NEGR1: variants seen among roughly 807,000 people sequenced by gnomAD.
NEGR1 encodes neuronal growth regulator 1.
A neutral mutation model predicts 40.9 loss-of-function variants in NEGR1; 10 were observed. The ratio of observed to expected loss-of-function variants is 0.24; its 90% CI spans 0.15 to 0.42. The LOEUF (loss-of-function observed/expected upper bound fraction) is 0.42, where lower values mean the gene tolerates loss of function less well. Ranked by LOEUF, NEGR1 falls within the 10% of genes least tolerant of loss-of-function variation. The probability of loss-of-function intolerance (pLI) is 1.00; values close to 1 mark genes in which losing one functional copy is unlikely to be tolerated. For synonymous variants in NEGR1, 185 were observed against 166.8 expected, an observed-to-expected ratio of 1.11 and a Z score of -0.84; for missense variants, 352 against 438.9, an observed-to-expected ratio of 0.80 and a Z score of 1.77.
intron 4 of NEGR1, among the ~76,000 whole-genome samples, chr1:71,695,162 C>A (rs1211906076): frequency 6.6e-6 from 1 of 151,732 alleles, no homozygotes; most frequent in East Asian, 1.9e-4. Context: ...GAAACTTTTT[C>A]AGACATACTC....
chr1:72,011,255 C>G (rs1198488896), intron 1 of NEGR1, among the ~76,000 whole-genome samples: 1 of 151,954 alleles, frequency 6.6e-6, no homozygotes, highest in East Asian at 1.9e-4. Context: ...CTCAGCATGT[C>G]TAAGAAGTTC....
At chr1:72,168,037 A>C (rs969141056) in intron 1 of NEGR1, among the ~76,000 whole-genome samples, 1 of 147,958 alleles carries the variant, frequency 6.8e-6, no homozygotes. Context: ...CAAGCATCTC[A>C]CTCTGTCACC....
chr1:72,115,413 A>G (rs182210299), intron 1 of NEGR1, among the ~76,000 whole-genome samples: 2 of 151,772 alleles, frequency 1.3e-5, no homozygotes, highest in East Asian at 1.9e-4. Context: ...TTTAATCCCT[A>G]CAATTGTGTA....
At chr1:72,161,320 C>T (rs1651550335) in intron 1 of NEGR1, among the ~76,000 whole-genome samples, 2 of 151,964 alleles carry the variant, frequency 1.3e-5, no homozygotes, top group South Asian at 4.1e-4. Context: ...TTTGTGGTGG[C>T]TTGGAGTATT....
intron 1 of NEGR1, among the ~76,000 whole-genome samples, chr1:71,968,801 T>G (rs550823516): frequency 6.6e-6 from 1 of 152,104 alleles, no homozygotes; most frequent in Non-Finnish European, 1.5e-5. Flanking sequence ...GGCAAGTGAT[T>G]TTTTTAGATA....
intron 4 of NEGR1, among the ~76,000 whole-genome samples, chr1:71,689,250 A>G (rs1398425849): frequency 6.6e-6 from 1 of 152,188 alleles, no homozygotes; most frequent in Non-Finnish European, 1.5e-5. Context: ...CTGAAGCCAA[A>G]CAGTGGCTTT....
At chr1:71,710,396 A>C (rs1028031221) in intron 3 of NEGR1, among the ~76,000 whole-genome samples, 1 of 152,184 alleles carries the variant, frequency 6.6e-6, no homozygotes, top group African/African-American at 2.4e-5. Context: ...AAGAAAGAAA[A>C]TCAGTATATC....
intron 4 of NEGR1, among the ~76,000 whole-genome samples, chr1:71,625,058 G>T (rs1650725872): frequency 6.6e-6 from 1 of 151,922 alleles, no homozygotes; most frequent in Non-Finnish European, 1.5e-5. Context: ...CAAACTATTT[G>T]TGTTACAGAA....
At chr1:71,987,868 A>ATG (rs1646410342) in intron 1 of NEGR1, among the ~76,000 whole-genome samples, 1 of 152,192 alleles carries the variant, frequency 6.6e-6, no homozygotes, top group Non-Finnish European at 1.5e-5. Context: ...CTCTGAAAGG[A>ATG]TGTGTGTAAA....
chr1:71,609,007 A>C (rs1650156998), intron 5 of NEGR1, among the ~76,000 whole-genome samples: 1 of 152,168 alleles, frequency 6.6e-6, no homozygotes, highest in South Asian at 2.1e-4. Context: ...CAGATGTACA[A>C]TATTGTAGGG....
Position 71,456,128 on chromosome 1 carries a change from T to G in NEGR1, c.941-48558A>C, listed in dbSNP as rs1240610189. Among the ~76,000 whole-genome samples, 5 of 152,222 alleles carry G rather than the reference T, an allele frequency of 3.3e-5. No individual in the cohort carries two copies. The East Asian group carries it at 9.6e-4, about 29-fold the overall frequency. On this transcript the variant is annotated intron_variant, in intron 6 of 6. Coordinates refer to ENST00000357731, the MANE Select transcript of NEGR1 (RefSeq NM_173808.3). ...AAGATTTCTTTAAGGTTTAAAAATA[T>G]AGTTAAGTACTTGCTTAGGTACAAC... is the stretch of plus-strand genomic sequence containing the variant.
intron 1 of NEGR1, among the ~76,000 whole-genome samples, chr1:71,987,466 T>C (rs1646405234): frequency 6.6e-6 from 1 of 152,060 alleles, no homozygotes; most frequent in African/African-American, 2.4e-5. Context: ...TAAGACTAAA[T>C]AACGCCGACC....
intron 1 of NEGR1, among the ~76,000 whole-genome samples, chr1:72,214,474 C>T (rs996377961): frequency 1.3e-5 from 2 of 152,102 alleles, no homozygotes; most frequent in African/African-American, 4.8e-5. Context: ...ACCCCATTGT[C>T]TCAGCACAAA....
chr1:71,999,729 T>A (rs1201838801), intron 1 of NEGR1, among the ~76,000 whole-genome samples: 2 of 143,576 alleles, frequency 1.4e-5, no homozygotes, highest in Non-Finnish European at 3.0e-5. Context: ...ATGGAGTCTC[T>A]TGTAGTCACT....
intron 3 of NEGR1, among the ~76,000 whole-genome samples, chr1:71,718,349 CTG>C: frequency 6.6e-6 from 1 of 152,266 alleles, no homozygotes; most frequent in South Asian, 2.1e-4. Context: ...CTACTGTTGA[CTG>C]TGATGTGCCT....
At chr1:71,909,163 G>T (rs1480961196) in intron 2 of NEGR1, among the ~76,000 whole-genome samples, 3 of 152,118 alleles carry the variant, frequency 2.0e-5, no homozygotes, top group Non-Finnish European at 4.4e-5. Flanking sequence ...CAATCCTAAA[G>T]ATGAAAGATG....
chr1:71,781,744 T>C (rs1240329876), intron 2 of NEGR1, among the ~76,000 whole-genome samples: 1 of 152,210 alleles, frequency 6.6e-6, no homozygotes, highest in African/African-American at 2.4e-5. Context: ...TCATTCATTC[T>C]CTGAAGTTGT....
At chr1:71,963,102 A>G (rs1646180164) in intron 1 of NEGR1, among the ~76,000 whole-genome samples, 1 of 151,958 alleles carries the variant, frequency 6.6e-6, no homozygotes, top group Non-Finnish European at 1.5e-5. Context: ...TTTTTTTTTA[A>G]AAGTTGTTAA....
intron 1 of NEGR1, among the ~76,000 whole-genome samples, chr1:72,098,133 C>T (rs1648781846): frequency 6.6e-6 from 1 of 152,066 alleles, no homozygotes; most frequent in Non-Finnish European, 1.5e-5. Flanking sequence ...GATCTTTTAA[C>T]AGGAAAAAGA....
Sources: allele counts gnomAD v4.1 joint callset (sites outside exome capture counted in the v4.1 genomes callset), GRCh38; gene constraint gnomAD v4.1.1; transcripts MANE v1.5; gene names NCBI Gene and HGNC (gene_info 2026-07-23, HGNC 2026-07-21).